TGFBR2: variants seen among roughly 807,000 people sequenced by gnomAD.
The protein encoded by TGFBR2 is TGF-beta receptor type-2.
TGFBR2 carries 18 observed loss-of-function variants against 49.0 expected under a neutral mutation model. The ratio of observed to expected loss-of-function variants is 0.37; its 90% CI spans 0.25 to 0.54. TGFBR2 has a LOEUF of 0.54. Among genes scored for constraint, TGFBR2 ranks in the 20% least tolerant of loss-of-function variants. The pLI is 0.85. For missense variants in TGFBR2, 525 were observed against 722.6 expected (o/e 0.73, Z 3.13); for synonymous variants, 282 against 275.9 (o/e 1.02, Z -0.22).
chr3:30,633,993 A>G (rs1698483403), intron 1 of TGFBR2, among the ~76,000 whole-genome samples: 1 of 152,216 alleles, frequency 6.6e-6, no homozygotes, highest in African/African-American at 2.4e-5. Context: ...TTTTCCAGAG[A>G]AAATATGGAA....
chr3:30,674,045 G>T lies in TGFBR2; in HGVS notation c.1255-60G>T, dbSNP rs1346355252. 10 of 1,611,556 alleles carry T rather than the reference G, an allele frequency of 6.2e-6. No homozygotes were observed. The African/African-American group carries it at 1.3e-4, about 22-fold the overall frequency. ...GTCAGGGGCCACCATCAGCTATATT[G>T]TGAAAATAAAAAGGCAGCTGGAATT... On this transcript the variant is annotated intron_variant, in intron 4 of 6. Transcript: ENST00000295754.
At position 30,676,758 on chromosome 3, in the gene TGFBR2, T is replaced by C. The variant is rs1699446474; in HGVS notation, c.1396+2512T>C. Among the ~76,000 whole-genome samples, 1 of 152,200 alleles carries C rather than the reference T, an allele frequency of 6.6e-6. No homozygotes were observed. The highest frequency in any genetic ancestry group is 2.4e-5 in the African/African-American group (1 of 41,452). On this transcript the variant is annotated intron_variant, in intron 5 of 6. Coordinates refer to ENST00000295754, the MANE Select transcript of TGFBR2 (RefSeq NM_003242.6). This position sits in a 1 kb window ranked among gnomAD's most constrained non-coding sequence, Gnocchi z 4.3. Reference sequence around the variant, plus strand: ...CTCCCATCCTGCACCCTGCTGAACCTCACATGTTTTCCTGAGACCCCCGCA... The same window carrying C: ...CTCCCATCCTGCACCCTGCTGAACCCCACATGTTTTCCTGAGACCCCCGCA...
At chr3:30,660,460 G>A (rs1206618819) in intron 3 of TGFBR2, among the ~76,000 whole-genome samples, 1 of 152,148 alleles carries the variant, frequency 6.6e-6, no homozygotes, top group African/African-American at 2.4e-5. Context: ...TTAATATGCA[G>A]CCCACATTGG....
chr3:30,686,435 G>A (rs1365173308), intron 5 of TGFBR2, among the ~76,000 whole-genome samples: 1 of 152,080 alleles, frequency 6.6e-6, no homozygotes, highest in Non-Finnish European at 1.5e-5. Context: ...TGTGATGGGA[G>A]GCCTTCATCC....
chr3:30,612,221 C>A (rs1698043165), intron 1 of TGFBR2, among the ~76,000 whole-genome samples: 1 of 152,140 alleles, frequency 6.6e-6, no homozygotes, highest in African/African-American at 2.4e-5. Context: ...CTCATTTAAT[C>A]CTAGGAAGAA....
intron 1 of TGFBR2, among the ~76,000 whole-genome samples, chr3:30,616,169 C>G (rs1219702939): frequency 6.6e-6 from 1 of 152,096 alleles, no homozygotes; most frequent in East Asian, 1.9e-4. Context: ...ATTCCAAAGA[C>G]CTGAGTCTTT....
chr3:30,616,170 C>A (rs559594087), intron 1 of TGFBR2, among the ~76,000 whole-genome samples: 1 of 152,172 alleles, frequency 6.6e-6, no homozygotes, highest in Non-Finnish European at 1.5e-5. Context: ...TTCCAAAGAC[C>A]TGAGTCTTTG....
chr3:30,685,675 G>A (rs1280085455), intron 5 of TGFBR2, among the ~76,000 whole-genome samples: 1 of 152,082 alleles, frequency 6.6e-6, no homozygotes, highest in African/African-American at 2.4e-5. Flanking sequence ...TCGGCTATAC[G>A]CTGCCTCTGA....
chr3:30,650,534 A>G lies in TGFBR2; in HGVS notation c.454+74A>G, dbSNP rs11466496. On this transcript the variant is annotated intron_variant, in intron 3 of 6. Coordinates refer to ENST00000295754, the MANE Select transcript of TGFBR2 (RefSeq NM_003242.6). The stretch of plus-strand genomic sequence containing the variant: ...TTTTGTATCCTTGGTCTGCAGTGTC[A>G]TAGAGCACATTCCTCCTGTGGTGGA... The G allele has an allele frequency of 1.3e-3, 1,946 of 1,464,318 alleles. 24 individuals are homozygous for G. In the African/African-American group the frequency reaches 0.025, roughly 19 times the overall value. 90.7% of individuals were successfully genotyped at this position (1,464,318 alleles called of 1,614,324 possible).
intron 1 of TGFBR2, among the ~76,000 whole-genome samples, chr3:30,621,907 T>C (rs1461672994): frequency 6.6e-6 from 1 of 152,210 alleles, no homozygotes; most frequent in Non-Finnish European, 1.5e-5. Context: ...GTTAGCCCCC[T>C]ATGAGCCAAG....
intron 1 of TGFBR2, among the ~76,000 whole-genome samples, chr3:30,627,357 A>G (rs1698352570): frequency 6.6e-6 from 1 of 152,128 alleles, no homozygotes; most frequent in Non-Finnish European, 1.5e-5. Flanking sequence ...AAGAAACTCA[A>G]GTTTCAATTG....
intron 2 of TGFBR2, among the ~76,000 whole-genome samples, chr3:30,645,368 G>A (rs1345444898): frequency 6.6e-6 from 1 of 152,076 alleles, no homozygotes; most frequent in African/African-American, 2.4e-5. Context: ...AGCCAAAAAT[G>A]GGGAATCTAC....
Position 30,663,980 on chromosome 3 carries a change from G to C in TGFBR2, c.455-7658G>C, listed in dbSNP as rs1465376616. Among the ~76,000 whole-genome samples, 841 of 143,392 alleles carry C rather than the reference G, an allele frequency of 5.9e-3. 3 individuals carry two copies. Among genetic ancestry groups the C allele is most frequent in the Non-Finnish European group, 8.4e-3 (545 of 65,262 alleles). The allele number at this position is 143,392 out of a possible 152,430, so 94.1% of individuals were successfully genotyped here. A position where few individuals can be genotyped will look rare whatever the true frequency, so the allele number is the denominator to read the frequency against. ...GAGGAAGAGAGGGCTAACTTTTTTG[G>C]GGGGGGGAGTTGGGGGGGCAGGGGG... On this transcript the variant is annotated intron_variant, in intron 3 of 6. Transcript: ENST00000295754.
intron 5 of TGFBR2, among the ~76,000 whole-genome samples, chr3:30,677,199 T>A (rs939447996): frequency 6.6e-6 from 1 of 152,204 alleles, no homozygotes; most frequent in Non-Finnish European, 1.5e-5. Context: ...CTGTTGATAT[T>A]TGCTGAGTGT....
chr3:30,641,214 A>G (rs1055502577), intron 1 of TGFBR2, among the ~76,000 whole-genome samples: 3 of 152,154 alleles, frequency 2.0e-5, no homozygotes, highest in Non-Finnish European at 4.4e-5. Flanking sequence ...CAAATTTTGT[A>G]TTTGTTTCTT....
At position 30,673,710 on chromosome 3, in the gene TGFBR2, T is replaced by C. The variant is rs116509879; in HGVS notation, c.1255-395T>C. On this transcript the variant is annotated intron_variant, in intron 4 of 6. Coordinates refer to ENST00000295754, the MANE Select transcript of TGFBR2 (RefSeq NM_003242.6). ...CAATTATTATTTTTACCATAAGTCT[T>C]GGAGTTTCAGGAATAAAAAAAAATT... Among the ~76,000 whole-genome samples, 1,395 of 150,684 alleles carry C rather than the reference T, an allele frequency of 9.3e-3. 11 individuals carry two copies. The highest frequency in any genetic ancestry group is 0.011 in the Non-Finnish European group (768 of 67,560).
At chr3:30,607,815 A>ATAT (rs1559444154) in intron 1 of TGFBR2, among the ~76,000 whole-genome samples, 21 of 136,188 alleles carry the variant, frequency 1.5e-4, no homozygotes, top group African/African-American at 6.5e-4. Flanking sequence ...TATATATATT[A>ATAT]TATATATATA....
At chr3:30,648,208 C>T (rs919986000) in intron 2 of TGFBR2, among the ~76,000 whole-genome samples, 2 of 152,134 alleles carry the variant, frequency 1.3e-5, no homozygotes, top group African/African-American at 4.8e-5. Context: ...TCAAGTATTA[C>T]AGTTGTTTTC....
intron 1 of TGFBR2, among the ~76,000 whole-genome samples, chr3:30,612,300 G>A (rs770246870): frequency 1.2e-4 from 19 of 152,266 alleles, no homozygotes; most frequent in Middle Eastern, 3.4e-3. Context: ...GGGTCTCTCT[G>A]GAGTTTTGCC....
Sources: gnomAD v4.1 joint callset for allele counts (sites outside exome capture counted in the v4.1 genomes callset) on GRCh38, gnomAD v4.1.1 for gene constraint, Gnocchi (gnomAD v3.1) non-coding constraint, MANE v1.5 for transcripts, NCBI Gene and HGNC (gene_info 2026-07-23, HGNC 2026-07-21) for gene names.